The following PEF1 variants were observed in gnomAD, a reference collection of about 807,000 sequenced individuals.
The protein encoded by PEF1 is peflin.
In PEF1, 17 loss-of-function variants were observed where a neutral mutation model predicts 32.0. The observed-to-expected ratio is 0.53, with a 90% CI of 0.36 to 0.80. The LOEUF is 0.80. Ranked by LOEUF, PEF1 falls within the 30% of genes least tolerant of loss-of-function variation. PEF1 has a pLI of 0.00. For synonymous variants in PEF1, 130 were observed against 139.8 expected (o/e 0.93, Z 0.50); for missense variants, 362 against 369.1 (o/e 0.98, Z 0.16).
At chr1:31,639,137 A>T (rs1640328877) in intron 1 of PEF1, among the ~76,000 whole-genome samples, 1 of 152,254 alleles carries the variant, frequency 6.6e-6, no homozygotes, top group Admixed American at 6.5e-5. Flanking sequence ...TCCAAAAGGC[A>T]GGCAGGGAAG....
At chr1:31,637,835 T>C (rs1350421110) in intron 1 of PEF1, among the ~76,000 whole-genome samples, 1 of 152,020 alleles carries the variant, frequency 6.6e-6, no homozygotes, top group Non-Finnish European at 1.5e-5. Context: ...GAAAAGACAG[T>C]CTGAAAACCA....
intron 1 of PEF1, among the ~76,000 whole-genome samples, chr1:31,643,217 A>G (rs115496649): frequency 2.0e-5 from 3 of 152,396 alleles, no homozygotes; most frequent in African/African-American, 7.2e-5. Flanking sequence ...ATGGTTAGAT[A>G]TGTTTAAGAA....
rs1418651930 is a variant in PEF1, at chr1:31,635,342, G to C, written c.205C>G (p.Pro69Ala). ...AGGGPYGHPN[P>A]GMFPSGTPGG... ...GGAGTTCCAGAGGGGAACATCCCAGGATTGGGGTGTCCATAGGGCCCTCCA... is the reference window on the plus strand; with the variant it reads ...GGAGTTCCAGAGGGGAACATCCCAGCATTGGGGTGTCCATAGGGCCCTCCA... Residue 69 changes from proline to alanine, a missense_variant, in exon 2 of 5, where the codon CCT becomes GCT. By Grantham distance (27) the Pro-to-Ala change is conservative. Transcript: ENST00000373703. 7 of 1,614,038 alleles carry C rather than the reference G, an allele frequency of 4.3e-6. No homozygotes were observed. Among genetic ancestry groups the C allele is most frequent in the Non-Finnish European group, 4.2e-6 (5 of 1,179,982 alleles).
chr1:31,635,331 G>A lies in PEF1; in HGVS notation c.216C>T (p.Phe72=). The A allele has an allele frequency of 1.9e-6, 3 of 1,614,082 alleles. No homozygotes were observed. The highest frequency in any genetic ancestry group is 2.5e-6 in the Non-Finnish European group (3 of 1,180,008). Residue 72 remains phenylalanine, a synonymous_variant, in exon 2 of 5, where the codon TTC becomes TTT. Transcript: ENST00000373703. ...GPYGHPNPGM[F]PSGTPGGPYG... ...ATGGTCCTCCTGGAGTTCCAGAGGG[G>A]AACATCCCAGGATTGGGGTGTCCAT...
chr1:31,641,126 T>G (rs1640381053), intron 1 of PEF1, among the ~76,000 whole-genome samples: 1 of 152,182 alleles, frequency 6.6e-6, no homozygotes, highest in Non-Finnish European at 1.5e-5. Context: ...ACTCCTGAGC[T>G]ACAGACCCAC....
At chr1:31,635,100 G>A in intron 2 of PEF1, 122 bp downstream of exon 2, 2 of 1,229,794 alleles carry the variant, frequency 1.6e-6, no homozygotes, top group East Asian at 2.3e-5. Flanking sequence ...CACTGAAGCT[G>A]GAAGCAAGAT....
chr1:31,630,405 G>T lies in PEF1; in HGVS notation c.*208C>A, dbSNP rs1230537106. ...CAACTTCTATCCTCTCCTCCATCAG[G>T]CCCCTATCTGTGTGGCCTCAGCCCC... On this transcript the variant is annotated 3_prime_UTR_variant, in exon 5 of 5. Transcript: ENST00000373703. 3 of 590,714 alleles carry T rather than the reference G, an allele frequency of 5.1e-6. No homozygotes were observed. The highest frequency in any genetic ancestry group is 9.0e-6 in the Non-Finnish European group (3 of 333,970). 36.6% of individuals were successfully genotyped at this position (590,714 alleles called of 1,614,324 possible). A position where few individuals can be genotyped will look rare whatever the true frequency, so the allele number is the denominator to read the frequency against.
intron 1 of PEF1, among the ~76,000 whole-genome samples, chr1:31,638,877 G>A (rs576721641): frequency 6.6e-6 from 1 of 152,336 alleles, no homozygotes; most frequent in Admixed American, 6.5e-5. Context: ...ATTGTACTAG[G>A]CTCTGTAGTA....
intron 1 of PEF1, among the ~76,000 whole-genome samples, chr1:31,639,058 T>C (rs139576629): frequency 1.9e-3 from 284 of 152,296 alleles, no homozygotes; most frequent in Non-Finnish European, 3.4e-3. Context: ...ATGAAGTGGG[T>C]CAAGGAAAGC....
At chr1:31,631,967 C>T (rs967592978) in intron 4 of PEF1, among the ~76,000 whole-genome samples, 1 of 152,218 alleles carries the variant, frequency 6.6e-6, no homozygotes, top group African/African-American at 2.4e-5. Context: ...CAAACTGTGG[C>T]CTTCTGCCTT....
chr1:31,644,619 G>A (rs1640501987), intron 1 of PEF1: 1 of 1,440,760 alleles, frequency 6.9e-7, no homozygotes, highest in Non-Finnish European at 9.1e-7. Flanking sequence ...TCGAGTGAGC[G>A]ACGTCAAGGG....
chr1:31,644,855 A>T lies in PEF1; in HGVS notation c.10T>A (p.Tyr4Asn), dbSNP rs140479455. 1.2e-6 allele frequency: 2 copies of T among 1,613,976 alleles called. No individual in the cohort carries two copies. The highest frequency in any genetic ancestry group is 1.1e-5 in the South Asian group (1 of 91,044). MAS[Y>N]PYRQGCPGAA... ...CACACACTCACCTGCCGGTAAGGAT[A>T]GCTGGCCATGGTGATTCTGACGTCA... The change falls in exon 1 of 5, where the codon TAT becomes AAT. Residue 4 changes from tyrosine (Y) to asparagine (N), a missense_variant. Tyr to Asn is a moderately radical substitution (Grantham distance 143). Coordinates refer to ENST00000373703, the MANE Select transcript of PEF1 (RefSeq NM_012392.4).
Position 31,632,614 on chromosome 1 carries a change from C to T in PEF1, c.506G>A (p.Gly169Asp), listed in dbSNP as rs763935107. 16 of 1,613,962 alleles carry T rather than the reference C, an allele frequency of 9.9e-6. No individual in the cohort carries two copies. The Middle Eastern group carries it at 6.6e-4, about 67-fold the overall frequency. ...MINMFDKTKSGRIDVYGFSAL... is the reference protein window; with the variant it reads ...MINMFDKTKSDRIDVYGFSAL... ...TGAGAAGCCGTAGACATCGATGCGG[C>T]CTGACTTGGTCTTGTCAAACATGTC... Residue 169 changes from glycine (G) to aspartate (D), a missense_variant, in exon 4 of 5, where the codon GGC (glycine) becomes GAC (aspartate). Gly to Asp is a moderately conservative substitution (Grantham distance 94, BLOSUM62 -1). Transcript: ENST00000373703.
At chr1:31,640,536 A>G (rs1345738679) in intron 1 of PEF1, among the ~76,000 whole-genome samples, 1 of 152,206 alleles carries the variant, frequency 6.6e-6, no homozygotes, top group African/African-American at 2.4e-5. Context: ...AGAGCCTTCA[A>G]GCCCAGAAAT....
At chr1:31,642,664 A>G (rs1045713384) in intron 1 of PEF1, among the ~76,000 whole-genome samples, 11 of 152,280 alleles carry the variant, frequency 7.2e-5, no homozygotes, top group Middle Eastern at 3.4e-3. Context: ...TTTCTATTCC[A>G]GACTCTTCTC....
In PEF1 at chr1:31,635,476, C is replaced by A; in HGVS notation, c.71G>T (p.Ser24Ile). 1 of 1,545,022 alleles carries A rather than the reference C, an allele frequency of 6.5e-7. No homozygotes were observed. Among genetic ancestry groups the A allele is most frequent in the South Asian group, 1.2e-5 (1 of 81,730 alleles). ...ACTATTGGGGGGTCCAGGGTAGTAG[C>A]TACCCGGAGGGGCTCCTGGTGCTTG... The part of the protein sequence containing the change: ...AGQAPGAPPG[S>I]YYPGPPNSGG... The change falls in exon 2 of 5, where the codon AGC becomes ATC. Residue 24 changes from serine to isoleucine, a missense_variant. Ser to Ile is a moderately radical substitution (Grantham distance 142). Coordinates refer to ENST00000373703, the MANE Select transcript of PEF1 (RefSeq NM_012392.4).
chr1:31,631,532 C>T (rs184899869), intron 4 of PEF1, among the ~76,000 whole-genome samples: 13 of 152,248 alleles, frequency 8.5e-5, no homozygotes, highest in Admixed American at 2.6e-4. Context: ...ATTTGTTATG[C>T]GGGCCCTTGG....
intron 3 of PEF1, 105 bp from the exon 4 acceptor site, chr1:31,632,743 C>T (rs1469168164): frequency 2.1e-5 from 29 of 1,366,890 alleles, no homozygotes; most frequent in Non-Finnish European, 2.5e-5. Context: ...CTGGAGTAGG[C>T]GACTTCACAG....
rs527859996 is a variant in PEF1 at position 31,638,963 on chromosome 1, C to T, written c.25-3441G>A. Among the ~76,000 whole-genome samples the T allele has an allele frequency of 2.0e-5, 3 of 152,296 alleles. No homozygotes were observed. In the East Asian group the frequency reaches 5.8e-4, roughly 29 times the overall value. ...AATTGTGATACAATCTGATCAGTGCCATCAGAAAAATCTACTTATGTGCTA... is the reference window on the plus strand; with the variant it reads ...AATTGTGATACAATCTGATCAGTGCTATCAGAAAAATCTACTTATGTGCTA... On this transcript the variant is annotated intron_variant, in intron 1 of 4. Coordinates refer to ENST00000373703, the MANE Select transcript of PEF1 (RefSeq NM_012392.4).
Sources: gnomAD v4.1 joint callset for allele counts (sites outside exome capture counted in the v4.1 genomes callset) on GRCh38, gnomAD v4.1.1 for gene constraint, MANE v1.5 for transcripts, NCBI Gene and HGNC (gene_info 2026-07-23, HGNC 2026-07-21) for gene names.